Variants in ANTXR2 observed in about 807,000 individuals in gnomAD.
The protein encoded by ANTXR2 is anthrax toxin receptor 2.
ANTXR2 carries 44 observed loss-of-function variants against 73.7 expected under a neutral mutation model. The observed-to-expected ratio is 0.60, with a 90% CI of 0.47 to 0.77. The LOEUF is 0.77. ANTXR2 is among the 30% of genes least tolerant of loss of function. ANTXR2 has a pLI of 0.00. For synonymous variants in ANTXR2, 217 were observed against 205.9 expected, an observed-to-expected ratio of 1.05 and a Z score of -0.46; for missense variants, 604 against 592.5, an observed-to-expected ratio of 1.02 and a Z score of -0.20.
intron 16 of ANTXR2, among the ~76,000 whole-genome samples, chr4:79,956,408 T>C (rs1728886397): frequency 6.6e-6 from 1 of 152,098 alleles, no homozygotes; most frequent in African/African-American, 2.4e-5. Context: ...AGCTGCACTG[T>C]AAAATGACAG....
At chr4:79,986,252 T>C (rs1730157084) in intron 12 of ANTXR2, among the ~76,000 whole-genome samples, 1 of 152,140 alleles carries the variant, frequency 6.6e-6, no homozygotes, top group Non-Finnish European at 1.5e-5. Context: ...CAAATCAAAG[T>C]CTCTATACTA....
At chr4:79,961,052 G>A (rs1560909572) in intron 16 of ANTXR2, among the ~76,000 whole-genome samples, 1 of 151,852 alleles carries the variant, frequency 6.6e-6, no homozygotes, top group Non-Finnish European at 1.5e-5. Flanking sequence ...AGACACAAAG[G>A]CACCATCATA....
chr4:80,069,084 C>A (rs1053811373), intron 3 of ANTXR2, among the ~76,000 whole-genome samples: 86 of 152,070 alleles, frequency 5.7e-4, no homozygotes, highest in Non-Finnish European at 9.3e-4. Context: ...TCTTTCTCCC[C>A]CTCAATGTTC....
intron 7 of ANTXR2, among the ~76,000 whole-genome samples, chr4:80,037,103 A>G (rs1293384825): frequency 2.0e-5 from 3 of 152,170 alleles, no homozygotes; most frequent in African/African-American, 7.2e-5. Context: ...CCTCATGGAC[A>G]ACAATCCTGT....
chr4:80,011,270 G>GCTTGCTATCTAT, intron 11 of ANTXR2, among the ~76,000 whole-genome samples: 1 of 149,256 alleles, frequency 6.7e-6, no homozygotes, highest in African/African-American at 2.5e-5. Flanking sequence ...ACCTGGTCTT[G>GCTTGCTATCTAT]CTATCTATCT....
chr4:80,002,659 C>G (rs1481548754), intron 12 of ANTXR2, among the ~76,000 whole-genome samples: 1 of 151,804 alleles, frequency 6.6e-6, no homozygotes, highest in Non-Finnish European at 1.5e-5. Flanking sequence ...GCAACCTACT[C>G]ATCTGACAAA....
At chr4:80,025,140 T>C (rs1732367771) in intron 10 of ANTXR2, among the ~76,000 whole-genome samples, 1 of 152,226 alleles carries the variant, frequency 6.6e-6, no homozygotes, top group Non-Finnish European at 1.5e-5. Context: ...TGACAATTAA[T>C]AGTAATAAAA....
In ANTXR2 at chr4:79,905,696, T is replaced by G. The variant is rs1457442975; in HGVS notation, c.*1733A>C. The G allele has an allele frequency of 6.6e-6, 1 of 152,094 alleles. No homozygotes were observed. Among genetic ancestry groups the G allele is most frequent in the Non-Finnish European group, 1.5e-5 (1 of 67,976 alleles). The allele number at this position is 152,094 out of a possible 1,614,324, so 9.4% of individuals were successfully genotyped here. A position where few individuals can be genotyped will look rare whatever the true frequency, so the allele number is the denominator to read the frequency against. ...TATATATGTATAGAAAATTATATAT[T>G]TGTGTGTGTGTGTAAGGCCTCTTGG... is the stretch of plus-strand genomic sequence containing the variant. On this transcript the variant is annotated 3_prime_UTR_variant, in exon 17 of 17. Transcript: ENST00000403729.
intron 10 of ANTXR2, among the ~76,000 whole-genome samples, chr4:80,028,124 A>G (rs1333001454): frequency 6.6e-6 from 1 of 152,200 alleles, no homozygotes; most frequent in African/African-American, 2.4e-5. Flanking sequence ...TGTTTAAATA[A>G]TAAGAGTTTG....
At chr4:79,934,539 C>CA (rs1295742879) in intron 16 of ANTXR2, among the ~76,000 whole-genome samples, 2,375 of 112,336 alleles carry the variant, frequency 0.021, 31 homozygotes, top group South Asian at 0.046. Context: ...ACAACAACAA[C>CA]AACAAAAAAA....
chr4:80,066,468 C>A (rs1037303352), intron 3 of ANTXR2, among the ~76,000 whole-genome samples: 2 of 152,110 alleles, frequency 1.3e-5, no homozygotes, highest in Admixed American at 6.5e-5. Flanking sequence ...GACAGAGGAA[C>A]CAACTATGTA....
intron 16 of ANTXR2, among the ~76,000 whole-genome samples, chr4:79,917,618 T>G (rs1377916351): frequency 6.6e-6 from 1 of 152,058 alleles, no homozygotes; most frequent in Non-Finnish European, 1.5e-5. Context: ...TAGAGATAAC[T>G]CTCTACTGAA....
At chr4:80,046,521 T>C (rs1302918120) in intron 7 of ANTXR2, among the ~76,000 whole-genome samples, 11 of 151,764 alleles carry the variant, frequency 7.2e-5, no homozygotes, top group Admixed American at 6.6e-4. Context: ...AACTTGTTCA[T>C]GGTATAATTT....
chr4:79,920,946 G>A (rs1727569984), intron 16 of ANTXR2, among the ~76,000 whole-genome samples: 1 of 151,960 alleles, frequency 6.6e-6, no homozygotes, highest in Non-Finnish European at 1.5e-5. Flanking sequence ...GTCAAATAAT[G>A]GCTAATTGCA....
At chr4:80,064,088 GA>G (rs201776475) in intron 3 of ANTXR2, among the ~76,000 whole-genome samples, 360 of 151,124 alleles carry the variant, frequency 2.4e-3, no homozygotes, top group African/African-American at 7.9e-3. Flanking sequence ...TAAGAAATTA[GA>G]AAAAAAAATT....
Position 80,016,229 on chromosome 4 carries a change from AG to A in ANTXR2, c.945+2668del, listed in dbSNP as rs140942453. Among the ~76,000 whole-genome samples the A allele has an allele frequency of 8.3e-3, 1,268 of 152,210 alleles. 13 individuals are homozygous for A. Among genetic ancestry groups the A allele is most frequent in the African/African-American group, 0.029 (1,198 of 41,544 alleles). ...AACTCTAAATTCAATTCGGTTTCTT[AG>A]GTTGTTGATAATCTGGTCTACATTT... On this transcript the variant is annotated intron_variant, in intron 11 of 16. Coordinates refer to ENST00000403729, the MANE Select transcript of ANTXR2 (RefSeq NM_058172.6).
intron 7 of ANTXR2, among the ~76,000 whole-genome samples, chr4:80,038,684 A>AC (rs1560416945): frequency 6.6e-6 from 1 of 152,032 alleles, no homozygotes; most frequent in Non-Finnish European, 1.5e-5. Context: ...TTTTAATAAA[A>AC]TAAGTTTTTC....
chr4:79,999,971 C>T (rs1730941373), intron 12 of ANTXR2, among the ~76,000 whole-genome samples: 1 of 151,976 alleles, frequency 6.6e-6, no homozygotes, highest in African/African-American at 2.4e-5. Context: ...GTGATTGCTA[C>T]TGGTGACAGT....
At chr4:79,977,748 T>C (rs778009892) in intron 15 of ANTXR2, 47 bp from the exon 16 acceptor site, 85 of 1,489,670 alleles carry the variant, frequency 5.7e-5, no homozygotes, top group Non-Finnish European at 7.4e-5. Context: ...GTACTCAATC[T>C]CTATGTACTG....
Sources: gnomAD v4.1 joint callset for allele counts (sites outside exome capture counted in the v4.1 genomes callset) on GRCh38, gnomAD v4.1.1 for gene constraint, MANE v1.5 for transcripts, NCBI Gene and HGNC (gene_info 2026-07-23, HGNC 2026-07-21) for gene names.